MYH15: variants seen among roughly 807,000 people sequenced by gnomAD.
MYH15 encodes the protein myosin heavy chain 15, also known as myosin-15.
A neutral mutation model predicts 240.5 loss-of-function variants in MYH15; 227 were observed. The observed-to-expected ratio is 0.94, with a 90% CI of 0.85 to 1.05. MYH15 has a LOEUF of 1.05. MYH15 is among the 50% of genes least tolerant of loss of function. The pLI is 0.00. For missense variants in MYH15, 2,217 were observed against 2,247.5 expected (o/e 0.99, Z 0.27); for synonymous variants, 785 against 796.7 (o/e 0.99, Z 0.25).
chr3:108,390,324 T>C (rs1469390323), intron 37 of MYH15, among the ~76,000 whole-genome samples: 2 of 152,238 alleles, frequency 1.3e-5, no homozygotes, highest in African/African-American at 4.8e-5. Flanking sequence ...TAGTATTATC[T>C]GATATTAAGG....
At chr3:108,411,063 A>G in intron 30 of MYH15, 131 bp from the exon 31 acceptor site, 1 of 698,074 alleles carries the variant, frequency 1.4e-6, no homozygotes, top group Non-Finnish European at 2.4e-6. Flanking sequence ...TTAGTGGTAT[A>G]AAGCAACAGC....
chr3:108,477,537 C>T (rs2083230993), intron 11 of MYH15, among the ~76,000 whole-genome samples: 2 of 152,074 alleles, frequency 1.3e-5, no homozygotes, highest in African/African-American at 4.8e-5. Flanking sequence ...TATAATTTGT[C>T]TGAAGGACAT....
chr3:108,495,883 T>G lies in MYH15; in HGVS notation c.619-11A>C. 2 of 1,594,798 alleles carry G rather than the reference T, an allele frequency of 1.3e-6. No individual in the cohort carries two copies. Among genetic ancestry groups the G allele is most frequent in the Non-Finnish European group, 1.7e-6 (2 of 1,168,166 alleles). On this transcript the variant is annotated splice_polypyrimidine_tract_variant and intron_variant, in intron 6 of 40. Transcript: ENST00000693548. ...ATCTTCTAACGCCCCCTGAGACACA[T>G]GCAAGAGAAGTACAGCTGATGAAAC... is the stretch of plus-strand genomic sequence containing the variant.
At chr3:108,462,335 G>A (rs2083079136) in intron 16 of MYH15, among the ~76,000 whole-genome samples, 1 of 152,138 alleles carries the variant, frequency 6.6e-6, no homozygotes, top group Non-Finnish European at 1.5e-5. Flanking sequence ...CTGGGAGACA[G>A]TGAGTAGAAT....
chr3:108,511,916 G>C (rs888072551), upstream of MYH15, among the ~76,000 whole-genome samples: 5 of 152,180 alleles, frequency 3.3e-5, no homozygotes, highest in Non-Finnish European at 5.9e-5. Flanking sequence ...TTAAAGCAAA[G>C]CCTACTGGTT....
At chr3:108,458,544 C>T (rs1428901538) in intron 18 of MYH15, among the ~76,000 whole-genome samples, 1 of 152,060 alleles carries the variant, frequency 6.6e-6, no homozygotes, top group East Asian at 1.9e-4. Context: ...GAACCAGCAA[C>T]ATCTGGCTAT....
chr3:108,447,373 A>T (rs960542993), intron 21 of MYH15, among the ~76,000 whole-genome samples: 1 of 152,154 alleles, frequency 6.6e-6, no homozygotes, highest in African/African-American at 2.4e-5. Flanking sequence ...TTAAGCCCAA[A>T]GAACCCCAAG....
At chr3:108,410,179 G>A (rs1576215595) in intron 31 of MYH15, among the ~76,000 whole-genome samples, 1 of 152,154 alleles carries the variant, frequency 6.6e-6, no homozygotes, top group South Asian at 2.1e-4. Flanking sequence ...GTTAAACAGT[G>A]CCTGGTACGT....
chr3:108,445,537 T>C (rs1407403158), intron 21 of MYH15, among the ~76,000 whole-genome samples: 2 of 151,838 alleles, frequency 1.3e-5, no homozygotes, highest in Non-Finnish European at 2.9e-5. Context: ...TGATAATAAA[T>C]ACCTTTTCAA....
chr3:108,430,262 T>C (rs2082767765), intron 26 of MYH15, among the ~76,000 whole-genome samples: 1 of 152,228 alleles, frequency 6.6e-6, no homozygotes, highest in Non-Finnish European at 1.5e-5. Context: ...ATTATCCATC[T>C]AAATGTGTAT....
At chr3:108,506,787 C>T (rs896254732) in intron 1 of MYH15, among the ~76,000 whole-genome samples, 23 of 152,162 alleles carry the variant, frequency 1.5e-4, no homozygotes, top group African/African-American at 5.3e-4. Context: ...AATCCCAACA[C>T]TTTGGGAGGC....
chr3:108,455,123 G>T (rs528937839), intron 20 of MYH15, among the ~76,000 whole-genome samples: 2 of 152,114 alleles, frequency 1.3e-5, no homozygotes, highest in East Asian at 3.8e-4. Flanking sequence ...CAAATAATTT[G>T]TTCCTTATAT....
chr3:108,498,136 A>T lies in MYH15; in HGVS notation c.534T>A (p.Ser178=). The T allele has an allele frequency of 6.2e-7, 1 of 1,613,954 alleles. No individual in the cohort carries two copies. The highest frequency in any genetic ancestry group is 8.5e-7 in the Non-Finnish European group (1 of 1,179,876). The change falls in exon 6 of 41, where the codon TCT becomes TCA. Residue 178 remains serine, a synonymous_variant. Coordinates refer to ENST00000693548, the MANE Select transcript of MYH15 (RefSeq NM_014981.3). ...TGCTGTTCACAGTCTTTCCAGCACC[A>T]GATTCTCCTCTGTGATTTGAAATTC... ...ENQSILFTGE[S]GAGKTVNSKH...
At chr3:108,414,538 T>A in intron 29 of MYH15, 110 bp from the exon 30 acceptor site, 1 of 931,280 alleles carries the variant, frequency 1.1e-6, no homozygotes, top group Non-Finnish European at 1.6e-6. Context: ...CTGCCACAAA[T>A]TCAAGCCGAA....
intron 21 of MYH15, among the ~76,000 whole-genome samples, chr3:108,451,799 TA>T (rs1264519137): frequency 6.6e-6 from 1 of 152,116 alleles, no homozygotes; most frequent in Non-Finnish European, 1.5e-5. Flanking sequence ...TGTATGAAAA[TA>T]TTTCTTAACC....
intron 15 of MYH15, among the ~76,000 whole-genome samples, chr3:108,463,835 G>A (rs1024801595): frequency 2.6e-5 from 4 of 151,994 alleles, no homozygotes; most frequent in African/African-American, 7.3e-5. Flanking sequence ...GAAGAGAGGA[G>A]AGAAAAGAAA....
In MYH15 at chr3:108,410,749, C is replaced by G; in HGVS notation, c.4329G>C (p.Lys1443Asn). ...GCTTCTGCTTCCAGTCGGCAAGGGCCTTGCCAGACTGCAGCTGCTTCTGGT... is the reference window on the plus strand; with the variant it reads ...GCTTCTGCTTCCAGTCGGCAAGGGCGTTGCCAGACTGCAGCTGCTTCTGGT... ...RLDQKQLQSGKALADWKQKHE... is the reference protein window; with the variant it reads ...RLDQKQLQSGNALADWKQKHE... Residue 1443 changes from lysine to asparagine, a missense_variant, in exon 31 of 41, where the codon AAG becomes AAC. By Grantham distance (94) the Lys-to-Asn change is moderately conservative (BLOSUM62 0). Transcript: ENST00000693548. The G allele has an allele frequency of 1.9e-6, 3 of 1,614,152 alleles. No individual in the cohort carries two copies. In the Admixed American group the frequency reaches 5.0e-5, roughly 27 times the overall value.
chr3:108,455,619 T>C (rs1201135343), intron 20 of MYH15, 117 bp downstream of exon 20: 1 of 1,163,650 alleles, frequency 8.6e-7, no homozygotes, highest in Non-Finnish European at 1.2e-6. Flanking sequence ...CTGTTTGTGA[T>C]ATTTATGGTC....
intron 1 of MYH15, among the ~76,000 whole-genome samples, chr3:108,516,098 C>A (rs1365381154): frequency 6.6e-6 from 1 of 152,160 alleles, no homozygotes; most frequent in African/African-American, 2.4e-5. Flanking sequence ...AGCAGAAACT[C>A]AAATGATGCC....
Sources: allele counts gnomAD v4.1 joint callset (sites outside exome capture counted in the v4.1 genomes callset), GRCh38; gene constraint gnomAD v4.1.1; transcripts MANE v1.5; gene names NCBI Gene and HGNC (gene_info 2026-07-23, HGNC 2026-07-21).